The following CCDC6 variants were observed in gnomAD, a reference collection of about 807,000 sequenced individuals.
CCDC6 encodes coiled-coil domain containing 6.
Under a neutral mutation model 56.6 loss-of-function variants are expected in CCDC6, and 20 were observed. The ratio of observed to expected loss-of-function variants is 0.35; its 90% CI spans 0.25 to 0.51. The LOEUF (loss-of-function observed/expected upper bound fraction) is 0.51. CCDC6 is among the 20% of genes least tolerant of loss of function. The pLI, the probability that CCDC6 is intolerant of heterozygous loss-of-function variation, is 0.95. For missense variants in CCDC6, 367 were observed against 601.1 expected (o/e 0.61, Z 4.07); for synonymous variants, 241 against 234.4 (o/e 1.03, Z -0.26).
At chr10:59,827,880 G>A (rs1000457371) in intron 3 of CCDC6, among the ~76,000 whole-genome samples, 10 of 152,210 alleles carry the variant, frequency 6.6e-5, no homozygotes, top group Non-Finnish European at 1.3e-4. Flanking sequence ...AACCCTCCAC[G>A]GATATAGTGC....
At chr10:59,818,191 T>A (rs117153358) in intron 3 of CCDC6, among the ~76,000 whole-genome samples, 2,511 of 151,944 alleles carry the variant, frequency 0.017, 29 homozygotes, top group Middle Eastern at 0.044. Context: ...GCCAGGGAAA[T>A]AAGGACAGTT....
intron 1 of CCDC6, among the ~76,000 whole-genome samples, chr10:59,905,285 C>T (rs2132692289): frequency 6.6e-6 from 1 of 152,294 alleles, no homozygotes; most frequent in South Asian, 2.1e-4. Context: ...TCTGGGCAGC[C>T]TCCAGGGGAC....
At chr10:59,795,558 G>C (rs188334492) in intron 7 of CCDC6, among the ~76,000 whole-genome samples, 1 of 151,428 alleles carries the variant, frequency 6.6e-6, no homozygotes, top group Non-Finnish European at 1.5e-5. Context: ...GTGCCATGCT[G>C]GTGTGCTGCA....
chr10:59,793,610 C>G (rs899668661), intron 8 of CCDC6, among the ~76,000 whole-genome samples: 4 of 152,054 alleles, frequency 2.6e-5, no homozygotes, highest in African/African-American at 7.2e-5. Context: ...AGGGCAAAAC[C>G]CCGTCTCTAT....
intron 7 of CCDC6, among the ~76,000 whole-genome samples, chr10:59,800,726 C>A (rs2070567980): frequency 6.6e-6 from 1 of 150,674 alleles, no homozygotes; most frequent in Admixed American, 6.6e-5. Context: ...AATTATCATG[C>A]ATCTTCACCC....
At chr10:59,808,443 G>T (rs1020441221) in intron 5 of CCDC6, among the ~76,000 whole-genome samples, 1 of 152,132 alleles carries the variant, frequency 6.6e-6, no homozygotes, top group Non-Finnish European at 1.5e-5. Context: ...TTCCTTTCTG[G>T]TTTATCTCAC....
At chr10:59,844,588 TAAA>T (rs74766839) in intron 2 of CCDC6, among the ~76,000 whole-genome samples, 3 of 137,846 alleles carry the variant, frequency 2.2e-5, no homozygotes, top group Non-Finnish European at 3.2e-5. Flanking sequence ...TGTCTCTACT[TAAA>T]AAAAAAAAAA....
chr10:59,828,813 G>C (rs1477872445), intron 3 of CCDC6, among the ~76,000 whole-genome samples: 1 of 152,188 alleles, frequency 6.6e-6, no homozygotes. Context: ...CAATTTCTAA[G>C]AGCAGAGCTG....
chr10:59,835,097 T>C (rs1422589237), intron 2 of CCDC6, among the ~76,000 whole-genome samples: 1 of 152,254 alleles, frequency 6.6e-6, no homozygotes, highest in Non-Finnish European at 1.5e-5. Flanking sequence ...TCTTAAAACC[T>C]TTAAACTATT....
Position 59,852,658 on chromosome 10 carries a change from T to G in CCDC6, c.348A>C (p.Leu116Phe). The G allele has an allele frequency of 6.2e-7, 1 of 1,603,908 alleles. No individual in the cohort carries two copies. The highest frequency in any genetic ancestry group is 8.5e-7 in the Non-Finnish European group (1 of 1,176,168). The change falls in exon 2 of 9, where the codon TTA becomes TTC. Residue 116 changes from leucine to phenylalanine, a missense_variant. Transcript: ENST00000263102. The stretch of plus-strand genomic sequence containing the variant: ...TCTGCAAAGCCTGAATTTTCTTGAA[T>G]AAAGTGTTACTAATGAATTCTTCTT... ...EQEEEFISNT[L>F]FKKIQALQKE... is the part of the protein sequence containing the mutation.
intron 5 of CCDC6, among the ~76,000 whole-genome samples, chr10:59,811,991 A>C (rs975679550): frequency 2.6e-5 from 4 of 151,376 alleles, no homozygotes; most frequent in Non-Finnish European, 5.9e-5. Context: ...AATAGGAATG[A>C]GAGAAAGACC....
intron 5 of CCDC6, among the ~76,000 whole-genome samples, chr10:59,809,842 C>G (rs978360727): frequency 6.6e-6 from 1 of 152,180 alleles, no homozygotes; most frequent in African/African-American, 2.4e-5. Flanking sequence ...CTTAAAGTCT[C>G]AGTTTCCAAG....
At chr10:59,882,908 A>C (rs1026012794) in intron 1 of CCDC6, among the ~76,000 whole-genome samples, 1 of 151,940 alleles carries the variant, frequency 6.6e-6, no homozygotes, top group African/African-American at 2.4e-5. Flanking sequence ...TGCAGTGAGC[A>C]GAGATCGCGC....
At chr10:59,835,629 T>C (rs559289885) in intron 2 of CCDC6, among the ~76,000 whole-genome samples, 123 of 152,318 alleles carry the variant, frequency 8.1e-4, no homozygotes, top group South Asian at 1.5e-3. Context: ...AAGACAGTGC[T>C]AAAACAAACA....
intron 3 of CCDC6, among the ~76,000 whole-genome samples, chr10:59,822,298 A>G (rs2070755012): frequency 1.3e-5 from 2 of 152,228 alleles, no homozygotes; most frequent in African/African-American, 4.8e-5. Context: ...TTTGCTTTCA[A>G]TGAGAAATAA....
At chr10:59,807,815 C>T (rs545852341) in intron 5 of CCDC6, among the ~76,000 whole-genome samples, 1 of 152,278 alleles carries the variant, frequency 6.6e-6, no homozygotes, top group African/African-American at 2.4e-5. Context: ...CCTCTCAACT[C>T]CAGACACAGC....
rs1443634290 is a variant in CCDC6, at chr10:59,794,359, T to C, written c.1230+114A>G. The C allele has an allele frequency of 4.0e-6, 4 of 997,834 alleles. No homozygotes were observed. The African/African-American group carries it at 4.8e-5, about 12-fold the overall frequency. 61.8% of individuals were successfully genotyped at this position (997,834 alleles called of 1,614,324 possible). On this transcript the variant is annotated intron_variant, in intron 8 of 8. Transcript: ENST00000263102. ...TCTCTACAGTTTCAAGGTGAACGGA[T>C]GGAGGAGGCAGGAAGAAGGGCAAAT...
chr10:59,859,338 C>A (rs969423342), intron 1 of CCDC6, among the ~76,000 whole-genome samples: 1 of 151,862 alleles, frequency 6.6e-6, no homozygotes, highest in Non-Finnish European at 1.5e-5. Context: ...TTTTGGATCC[C>A]ATATATATGC....
At chr10:59,898,248 A>G (rs1374787867) in intron 1 of CCDC6, among the ~76,000 whole-genome samples, 1 of 152,242 alleles carries the variant, frequency 6.6e-6, no homozygotes, top group East Asian at 1.9e-4. Flanking sequence ...TGAAATTAAA[A>G]TATCAATGAC....
Sources: gnomAD v4.1 joint callset for allele counts (sites outside exome capture counted in the v4.1 genomes callset) on GRCh38, gnomAD v4.1.1 for gene constraint, MANE v1.5 for transcripts, NCBI Gene and HGNC (gene_info 2026-07-23, HGNC 2026-07-21) for gene names.